Variants in CDC42EP4 observed in about 807,000 individuals in gnomAD.
CDC42EP4 encodes the protein CDC42 effector protein (Rho GTPase binding) 4.
CDC42EP4 carries 6 observed loss-of-function variants against 5.6 expected under a neutral mutation model. That is an observed-to-expected ratio of 1.07 (90% CI 0.59 to 2.12). The LOEUF is 2.12. Ranked by LOEUF, CDC42EP4 falls within the 30% of genes most tolerant of loss-of-function variation. The pLI is 0.00. For synonymous variants in CDC42EP4, 230 were observed against 224.2 expected, an observed-to-expected ratio of 1.03 and a Z score of -0.23; for missense variants, 490 against 508.6, an observed-to-expected ratio of 0.96 and a Z score of 0.35.
At chr17:73,310,063 A>G (rs1440862628) in intron 1 of CDC42EP4, 3 of 152,134 alleles carry the variant, frequency 2.0e-5, no homozygotes, top group African/African-American at 7.2e-5. Context: ...ATCCTGGTGG[A>G]TGCCCTGTTA....
intron 1 of CDC42EP4, among the ~76,000 whole-genome samples, chr17:73,307,611 C>T (rs907358384): frequency 4.6e-5 from 7 of 151,960 alleles, no homozygotes; most frequent in Non-Finnish European, 1.0e-4. Context: ...CCAAGCCTAG[C>T]TAATTTTTTG....
chr17:73,310,818 G>GCTGGCTCAGCCTCAGCC (rs1394590727), intron 1 of CDC42EP4: 2 of 151,222 alleles, frequency 1.3e-5, no homozygotes, highest in Non-Finnish European at 2.9e-5. Flanking sequence ...CTCCCAGGAA[G>GCTGGCTCAGCCTCAGCC]CTGGCTCAGC....
Position 73,285,303 on chromosome 17 carries a change from G to C in CDC42EP4, c.*127C>G. On this transcript the variant is annotated 3_prime_UTR_variant, in exon 2 of 2. Transcript: ENST00000335793. The surrounding 1 kb of genome is among the most constrained non-coding windows in gnomAD (Gnocchi z 6.8). ...CCAGGCCAGTGTCCCTCATCTACAA[G>C]GTCCAGGGTCCATGGTCTGAATCAA... 1.4e-6 allele frequency: 1 copy of C among 727,610 alleles called. No individual in the cohort carries two copies. Among genetic ancestry groups the C allele is most frequent in the Non-Finnish European group, 2.2e-6 (1 of 449,716 alleles). 45.1% of individuals were successfully genotyped at this position (727,610 alleles called of 1,614,324 possible).
At position 73,284,122 on chromosome 17, in the gene CDC42EP4, C is replaced by T. The variant is rs1379326385; in HGVS notation, c.*1308G>A. 1 of 152,214 alleles carries T rather than the reference C, an allele frequency of 6.6e-6. No homozygotes were observed. The highest frequency in any genetic ancestry group is 1.5e-5 in the Non-Finnish European group (1 of 68,038). 9.4% of individuals were successfully genotyped at this position (152,214 alleles called of 1,614,324 possible). On this transcript the variant is annotated 3_prime_UTR_variant, in exon 2 of 2. Transcript: ENST00000335793. ...TTTCACATAAGTGTTCCAAATATTGCGTGGGGCATATTAATGCTAGAAAAT... is the reference window on the plus strand; with the variant it reads ...TTTCACATAAGTGTTCCAAATATTGTGTGGGGCATATTAATGCTAGAAAAT...
rs532119024 is a variant in CDC42EP4, at chr17:73,297,685, G to C, written c.-112-11073C>G. ...TTTATTTATTTATTTTTGAGATGGA[G>C]TTTTGCTCTATCGCCCAGGCTGGAG... is the stretch of plus-strand genomic sequence containing the variant. On this transcript the variant is annotated intron_variant, in intron 1 of 1. Coordinates refer to ENST00000335793, the MANE Select transcript of CDC42EP4 (RefSeq NM_012121.5). Among the ~76,000 whole-genome samples the C allele has an allele frequency of 1.2e-3, 175 of 152,006 alleles. 1 individual carries two copies. Among genetic ancestry groups the C allele is most frequent in the African/African-American group, 4.0e-3 (166 of 41,484 alleles).
intron 1 of CDC42EP4, among the ~76,000 whole-genome samples, chr17:73,301,560 C>T (rs1015937910): frequency 6.6e-6 from 1 of 152,142 alleles, no homozygotes. Flanking sequence ...TAACTATTTC[C>T]AGATGATACA....
rs757350645 is a variant in CDC42EP4 at position 73,285,396 on chromosome 17, G to A, written c.*34C>T. On this transcript the variant is annotated 3_prime_UTR_variant, in exon 2 of 2. Transcript: ENST00000335793. The surrounding 1 kb of genome is among the most constrained non-coding windows in gnomAD (Gnocchi z 6.8). Reference sequence around the variant, plus strand: ...GGGGTGGGGGCAGGGAGAAGATGCAGCCAAGAGCTCCCGGTGGCCACCCAC... The same window carrying A: ...GGGGTGGGGGCAGGGAGAAGATGCAACCAAGAGCTCCCGGTGGCCACCCAC... 1.3e-5 allele frequency: 20 copies of A among 1,505,320 alleles called. No individual in the cohort carries two copies. The highest frequency in any genetic ancestry group is 1.8e-4 in the Middle Eastern group (1 of 5,652). The allele number at this position is 1,505,320 out of a possible 1,614,324, so 93.2% of individuals were successfully genotyped here.
At chr17:73,297,001 A>AAAAAAAAAAC (rs547362762) in intron 1 of CDC42EP4, among the ~76,000 whole-genome samples, 1,286 of 61,710 alleles carry the variant, frequency 0.021, 265 homozygotes, top group Admixed American at 0.066. Context: ...AAAAAAAAAA[A>AAAAAAAAAAC]AAATACACAA....
intron 1 of CDC42EP4, among the ~76,000 whole-genome samples, chr17:73,295,850 C>T (rs1220531072): frequency 6.9e-6 from 1 of 144,436 alleles, no homozygotes; most frequent in Non-Finnish European, 1.5e-5. Context: ...GGTTGCAGCA[C>T]ACTGAGATCA....
rs547362762 is a variant in CDC42EP4 at position 73,297,001 on chromosome 17, A to AAAAAAAAAAAAAAAAAAAAAAAAACAC, written c.-112-10390_-112-10389insGTGTTTTTTTTTTTTTTTTTTTTTTTT. Among the ~76,000 whole-genome samples, 87 of 61,758 alleles carry AAAAAAAAAAAAAAAAAAAAAAAAACAC rather than the reference A, an allele frequency of 1.4e-3. 22 individuals carry two copies. The highest frequency in any genetic ancestry group is 2.3e-3 in the Non-Finnish European group (68 of 30,020). 40.5% of individuals were successfully genotyped at this position (61,758 alleles called of 152,430 possible). A position where few individuals can be genotyped will look rare whatever the true frequency, so the allele number is the denominator to read the frequency against. On this transcript the variant is annotated intron_variant, in intron 1 of 1. Coordinates refer to ENST00000335793, the MANE Select transcript of CDC42EP4 (RefSeq NM_012121.5). ...GTCTCAAAAAAAAAAAAAAAAAAAAAAAATACACAAGGCCAAGCGCCGTGG... is the reference window on the plus strand; with the variant it reads ...GTCTCAAAAAAAAAAAAAAAAAAAAAAAAAAAAAAAAAAAAAAAAAAAAACACAAATACACAAGGCCAAGCGCCGTGG...
intron 1 of CDC42EP4, chr17:73,310,743 T>TCTCACACA (rs1278137460): frequency 3.7e-5 from 5 of 134,540 alleles, no homozygotes; most frequent in South Asian, 2.5e-4. Context: ...CCTCCCCCAG[T>TCTCACACA]CACACACACA....
intron 1 of CDC42EP4, among the ~76,000 whole-genome samples, chr17:73,298,344 C>T (rs766360241): frequency 3.9e-5 from 6 of 152,186 alleles, no homozygotes; most frequent in African/African-American, 1.4e-4. Flanking sequence ...AAACAGAACT[C>T]GCTCTCCAAC....
At chr17:73,303,136 G>A (rs987823016) in intron 1 of CDC42EP4, among the ~76,000 whole-genome samples, 11 of 150,398 alleles carry the variant, frequency 7.3e-5, no homozygotes, top group African/African-American at 2.7e-4. Context: ...CTGAGGTTGG[G>A]AGTTCGAGAC....
At chr17:73,294,682 T>C (rs2062176182) in intron 1 of CDC42EP4, among the ~76,000 whole-genome samples, 1 of 152,232 alleles carries the variant, frequency 6.6e-6, no homozygotes, top group South Asian at 2.1e-4. Context: ...TATATATTTT[T>C]ATAGGTTATA....
In CDC42EP4 at chr17:73,308,174, G is replaced by T. The variant is rs572237518; in HGVS notation, c.-113+3719C>A. Among the ~76,000 whole-genome samples, 4 of 152,290 alleles carry T rather than the reference G, an allele frequency of 2.6e-5. No homozygotes were observed. The East Asian group carries it at 7.7e-4, about 29-fold the overall frequency. On this transcript the variant is annotated intron_variant, in intron 1 of 1. Coordinates refer to ENST00000335793, the MANE Select transcript of CDC42EP4 (RefSeq NM_012121.5). ...CACGCATGGGCTTGGCCTTCCTAGA[G>T]CACCCCAGAAGCACTGGCTGGAGTT...
rs200865073 is a variant in CDC42EP4 at position 73,286,104 on chromosome 17, T to C, written c.397A>G (p.Ser133Gly). Residue 133 changes from serine (S) to glycine (G), a missense_variant, in exon 2 of 2, where the codon AGT becomes GGT. By Grantham distance (56) the Ser-to-Gly change is moderately conservative (BLOSUM62 0). Coordinates refer to ENST00000335793, the MANE Select transcript of CDC42EP4 (RefSeq NM_012121.5). The surrounding 1 kb of genome is among the most constrained non-coding windows in gnomAD (Gnocchi z 7.7). ...GATGACAGGCTCTTGGGCAGCTTAC[T>C]GGTGCCCTTCTCCGCGGCCTCCTTC... ...NEKEAAEKGT[S>G]KLPKSLSSSP... 158 of 1,614,010 alleles carry C rather than the reference T, an allele frequency of 9.8e-5. No homozygotes were observed. In the East Asian group the frequency reaches 2.2e-3, roughly 22 times the overall value.
rs936493465 is a variant in CDC42EP4, at chr17:73,285,351, G to A, written c.*79C>T. 6.6e-5 allele frequency: 79 copies of A among 1,198,386 alleles called. No homozygotes were observed. Among genetic ancestry groups the A allele is most frequent in the Middle Eastern group, 4.0e-4 (2 of 4,968 alleles). 74.2% of individuals were successfully genotyped at this position (1,198,386 alleles called of 1,614,324 possible). ...CAAGGGTCCTGGCTGCCCCTGCGCC[G>A]TAGGGTCAAAGGTCATAGTGGGGTG... On this transcript the variant is annotated 3_prime_UTR_variant, in exon 2 of 2. Coordinates refer to ENST00000335793, the MANE Select transcript of CDC42EP4 (RefSeq NM_012121.5). This position sits in a 1 kb window ranked among gnomAD's most constrained non-coding sequence, Gnocchi z 6.8.
In CDC42EP4 at chr17:73,284,742, T is replaced by A. The variant is rs551851422; in HGVS notation, c.*688A>T. 1 of 152,240 alleles carries A rather than the reference T, an allele frequency of 6.6e-6. No homozygotes were observed. The highest frequency in any genetic ancestry group is 2.4e-5 in the African/African-American group (1 of 41,452). 9.4% of individuals were successfully genotyped at this position (152,240 alleles called of 1,614,324 possible). The stretch of plus-strand genomic sequence containing the variant: ...TGAGCGAGTGCCCTAGCCCTGTTCC[T>A]AGTGTCATCCTGGAAGGGTCCCTTC... On this transcript the variant is annotated 3_prime_UTR_variant, in exon 2 of 2. Transcript: ENST00000335793.
chr17:73,304,902 C>T (rs1280215343), intron 1 of CDC42EP4, among the ~76,000 whole-genome samples: 2 of 152,206 alleles, frequency 1.3e-5, no homozygotes, highest in Non-Finnish European at 2.9e-5. Flanking sequence ...GAGCCTCCTG[C>T]TCCTTGTGGG....
Sources: allele counts gnomAD v4.1 joint callset (sites outside exome capture counted in the v4.1 genomes callset), GRCh38; gene constraint gnomAD v4.1.1; non-coding constraint Gnocchi (gnomAD v3.1); transcripts MANE v1.5; gene names NCBI Gene and HGNC (gene_info 2026-07-23, HGNC 2026-07-21).